UNC13C: variants seen among roughly 807,000 people sequenced by gnomAD.
UNC13C encodes the protein protein unc-13 homolog C.
UNC13C carries 174 observed loss-of-function variants against 245.4 expected under a neutral mutation model. That is an observed-to-expected ratio of 0.71 (90% CI 0.63 to 0.80). The LOEUF (loss-of-function observed/expected upper bound fraction) is 0.80. Ranked by LOEUF, UNC13C falls within the 30% of genes least tolerant of loss-of-function variation. The probability of loss-of-function intolerance (pLI) is 0.00; values close to 1 mark genes in which losing one functional copy is unlikely to be tolerated. For synonymous variants in UNC13C, 992 were observed against 895.1 expected (o/e 1.11, Z -1.93); for missense variants, 2,829 against 2,602.9 (o/e 1.09, Z -1.89).
At chr15:54,292,972 A>G (rs2037339131) in intron 10 of UNC13C, among the ~76,000 whole-genome samples, 1 of 149,708 alleles carries the variant, frequency 6.7e-6, no homozygotes, top group Middle Eastern at 3.6e-3. Context: ...GATAATGCAT[A>G]TATAATATGT....
At chr15:54,533,105 C>A in intron 26 of UNC13C, 39 bp downstream of exon 26, 1 of 1,529,974 alleles carries the variant, frequency 6.5e-7, no homozygotes, top group Admixed American at 2.0e-5. Flanking sequence ...ACTTATTGCC[C>A]TAAATTTGAC....
At chr15:54,321,268 C>G in intron 13 of UNC13C, 1 of 478,866 alleles carries the variant, frequency 2.1e-6, no homozygotes, top group Non-Finnish European at 4.1e-6. Context: ...ACTGCCTCAG[C>G]TATGATTTCA....
the UNC13C span, among the ~76,000 whole-genome samples, chr15:53,899,632 T>C: frequency 6.6e-6 from 1 of 152,166 alleles, no homozygotes; most frequent in Non-Finnish European, 1.5e-5. Flanking sequence ...GCCCAGGATC[T>C]CGGCTCACCG....
At chr15:53,898,810 A>G in the UNC13C span, among the ~76,000 whole-genome samples, 1 of 152,216 alleles carries the variant, frequency 6.6e-6, no homozygotes, top group Non-Finnish European at 1.5e-5. Context: ...ATCTACTTCC[A>G]TAACAAATTT....
intron 19 of UNC13C, among the ~76,000 whole-genome samples, chr15:54,492,325 T>C (rs1893751313): frequency 6.6e-6 from 1 of 152,086 alleles, no homozygotes; most frequent in South Asian, 2.1e-4. Flanking sequence ...GAAAACAAAA[T>C]ACAAATTATT....
chr15:54,019,119 T>C lies in UNC13C; in HGVS notation c.2983+3233T>C, dbSNP rs1895787488. On this transcript the variant is annotated intron_variant, in intron 2 of 32. Transcript: ENST00000260323. ...TTACTTCTTATAACACCACTATTAA[T>C]TTTATTTTATTATTATCCCATTTTA... 2.0e-5 allele frequency among the ~76,000 whole-genome samples: 3 copies of C among 152,226 alleles called. No homozygotes were observed. The East Asian group carries it at 5.8e-4, about 29-fold the overall frequency.
intron 2 of UNC13C, among the ~76,000 whole-genome samples, chr15:54,062,392 A>G (rs893260282): frequency 2.6e-5 from 4 of 151,438 alleles, no homozygotes; most frequent in Non-Finnish European, 4.4e-5. Context: ...GTAGTTTCCT[A>G]TAGAGGATGA....
Position 54,319,877 on chromosome 15 carries a change from A to G in UNC13C, c.4269-2062A>G, listed in dbSNP as rs75835385. Among the ~76,000 whole-genome samples, 484 of 152,118 alleles carry G rather than the reference A, an allele frequency of 3.2e-3. 17 individuals are homozygous for G. In the East Asian group the frequency reaches 0.067, roughly 21 times the overall value. On this transcript the variant is annotated intron_variant, in intron 13 of 32. Coordinates refer to ENST00000260323, the MANE Select transcript of UNC13C (RefSeq NM_001080534.3). ...AAGTCTTTTGTTGTAGTTCAAATGA[A>G]AAAGGTTTCCTTGAGAGAAGTAACA...
chr15:54,353,270 T>C (rs1254447717), intron 17 of UNC13C, among the ~76,000 whole-genome samples: 1 of 152,090 alleles, frequency 6.6e-6, no homozygotes, highest in African/African-American at 2.4e-5. Context: ...AGGGAAAATA[T>C]AATGCAGTAT....
chr15:54,334,228 T>C (rs1183106246), intron 16 of UNC13C, among the ~76,000 whole-genome samples: 1 of 152,158 alleles, frequency 6.6e-6, no homozygotes, highest in South Asian at 2.1e-4. Context: ...TACAAGAAAG[T>C]AGCTGACTCT....
intron 19 of UNC13C, among the ~76,000 whole-genome samples, chr15:54,460,680 T>A (rs1223453156): frequency 6.6e-6 from 1 of 152,240 alleles, no homozygotes; most frequent in Non-Finnish European, 1.5e-5. Flanking sequence ...TTCACAGTTT[T>A]CCAGTTGTCT....
At chr15:54,335,273 C>T (rs2038543240) in intron 16 of UNC13C, among the ~76,000 whole-genome samples, 1 of 152,112 alleles carries the variant, frequency 6.6e-6, no homozygotes, top group African/African-American at 2.4e-5. Context: ...TGCTTGGCAT[C>T]ACTTTCTTCT....
At chr15:54,183,541 T>C (rs563484683) in intron 4 of UNC13C, among the ~76,000 whole-genome samples, 1 of 152,078 alleles carries the variant, frequency 6.6e-6, no homozygotes, top group East Asian at 1.9e-4. Context: ...ACTATTTACA[T>C]GTGTAGGTTA....
chr15:53,881,199 G>A, the UNC13C span, among the ~76,000 whole-genome samples: 1 of 152,224 alleles, frequency 6.6e-6, no homozygotes, highest in South Asian at 2.1e-4. Context: ...GCTCTGTGAA[G>A]GAGGAACATA....
chr15:54,102,091 G>C (rs1292458192), intron 2 of UNC13C, among the ~76,000 whole-genome samples: 1 of 149,246 alleles, frequency 6.7e-6, no homozygotes, highest in Non-Finnish European at 1.5e-5. Flanking sequence ...TTTGACCATA[G>C]TCATATTATA....
chr15:53,876,533 A>C, the UNC13C span, among the ~76,000 whole-genome samples: 1 of 152,254 alleles, frequency 6.6e-6, no homozygotes, highest in African/African-American at 2.4e-5. Flanking sequence ...CTTCCCTCTA[A>C]AGCCGCATGT....
intron 1 of UNC13C, among the ~76,000 whole-genome samples, chr15:53,987,064 C>T (rs1354409388): frequency 1.3e-5 from 2 of 152,148 alleles, no homozygotes; most frequent in African/African-American, 4.8e-5. Flanking sequence ...ATAAGATACA[C>T]ATTATAATGT....
intron 4 of UNC13C, among the ~76,000 whole-genome samples, chr15:54,153,035 C>G (rs2032590779): frequency 6.6e-6 from 1 of 152,058 alleles, no homozygotes; most frequent in African/African-American, 2.4e-5. Context: ...ATAATCACTG[C>G]TAAAAATGTG....
intron 2 of UNC13C, among the ~76,000 whole-genome samples, chr15:54,103,554 C>T (rs182378239): frequency 8.9e-4 from 136 of 152,220 alleles, no homozygotes; most frequent in Middle Eastern, 6.8e-3. Flanking sequence ...CAGTGCAAAC[C>T]CAACACAATC....
Sources: gnomAD v4.1 joint callset for allele counts (sites outside exome capture counted in the v4.1 genomes callset) on GRCh38, gnomAD v4.1.1 for gene constraint, MANE v1.5 for transcripts, NCBI Gene and HGNC (gene_info 2026-07-23, HGNC 2026-07-21) for gene names.